PCLO: variants seen among roughly 807,000 people sequenced by gnomAD.
The protein encoded by PCLO is protein piccolo.
A neutral mutation model predicts 427.5 loss-of-function variants in PCLO; 82 were observed. The ratio of observed to expected loss-of-function variants is 0.19; its 90% CI spans 0.16 to 0.23. PCLO has a LOEUF of 0.23. Among genes scored for constraint, PCLO ranks in the 10% least tolerant of loss-of-function variants. PCLO has a pLI of 1.00. For synonymous variants in PCLO, 2,357 were observed against 2,155.4 expected (o/e 1.09, Z -2.59); for missense variants, 6,239 against 6,115.9 (o/e 1.02, Z -0.67).
chr7:83,002,021 C>G (rs1394834599), intron 3 of PCLO, among the ~76,000 whole-genome samples: 1 of 151,948 alleles, frequency 6.6e-6, no homozygotes, highest in Non-Finnish European at 1.5e-5. Context: ...TATGATGAGT[C>G]TAGCTATAGA....
At chr7:82,849,240 TA>T (rs1483411352) in intron 10 of PCLO, among the ~76,000 whole-genome samples, 1 of 152,176 alleles carries the variant, frequency 6.6e-6, no homozygotes, top group Admixed American at 6.5e-5. Flanking sequence ...CCTGTAAAAT[TA>T]AAAAAATGCT....
chr7:82,889,338 T>A (rs1161178937), intron 9 of PCLO, among the ~76,000 whole-genome samples: 2 of 152,078 alleles, frequency 1.3e-5, no homozygotes, highest in African/African-American at 4.8e-5. Context: ...ACCAGGATGC[T>A]TAGGAGACAA....
At position 82,978,320 on chromosome 7, in the gene PCLO, TA is replaced by T. The variant is rs572979240; in HGVS notation, c.3301-11834del. The stretch of plus-strand genomic sequence containing the variant: ...GCTCAATTAATATGGGGCTAATTGT[TA>T]AAAAAATATGATTATTAAATATTCA... On this transcript the variant is annotated intron_variant, in intron 3 of 24. Coordinates refer to ENST00000333891, the MANE Select transcript of PCLO (RefSeq NM_033026.6). Among the ~76,000 whole-genome samples the T allele has an allele frequency of 2.2e-3, 329 of 152,090 alleles. 1 individual carries two copies. Among genetic ancestry groups the T allele is most frequent in the African/African-American group, 7.3e-3 (301 of 41,504 alleles).
chr7:83,107,366 C>A (rs921449260), intron 3 of PCLO, among the ~76,000 whole-genome samples: 1 of 152,120 alleles, frequency 6.6e-6, no homozygotes, highest in African/African-American at 2.4e-5. Context: ...GAATTTATTT[C>A]ACTTAAGTCC....
In PCLO at chr7:82,795,163, T is replaced by C. The variant is rs1438635555; in HGVS notation, c.15007+6355A>G. Among the ~76,000 whole-genome samples, 7 of 152,282 alleles carry C rather than the reference T, an allele frequency of 4.6e-5. No homozygotes were observed. In the East Asian group the frequency reaches 1.3e-3, roughly 29 times the overall value. The stretch of plus-strand genomic sequence containing the variant: ...AATGACTAGAAGTCTAATTTTCTTT[T>C]CTTACTGAAGAAAATTATGGCAGAA... On this transcript the variant is annotated intron_variant, in intron 22 of 24. Transcript: ENST00000333891.
chr7:83,037,674 T>C lies in PCLO; in HGVS notation c.3301-71187A>G, dbSNP rs570963930. 1.8e-4 allele frequency among the ~76,000 whole-genome samples: 28 copies of C among 151,558 alleles called. No homozygotes were observed. In the South Asian group the frequency reaches 5.4e-3, roughly 29 times the overall value. The stretch of plus-strand genomic sequence containing the variant: ...TAGTAAATAAAGAAGAAGAGGCATA[T>C]CCTGGGGCTCTAGCTTCCTCTGGCT... On this transcript the variant is annotated intron_variant, in intron 3 of 24. Transcript: ENST00000333891.
chr7:82,971,426 A>G (rs1049443241), intron 3 of PCLO, among the ~76,000 whole-genome samples: 1 of 150,334 alleles, frequency 6.7e-6, no homozygotes, highest in Non-Finnish European at 1.5e-5. Context: ...GTGTATATAT[A>G]TGTGTGTGTG....
chr7:82,801,020 C>G lies in PCLO; in HGVS notation c.15007+498G>C, dbSNP rs149162089. ...ATAATTTATTATTTGTTTAATAAAA[C>G]GAAATTTGAACTTAAATTTGGTTTG... On this transcript the variant is annotated intron_variant, in intron 22 of 24. Transcript: ENST00000333891. Among the ~76,000 whole-genome samples the G allele has an allele frequency of 9.8e-3, 1,489 of 151,332 alleles. 16 individuals carry two copies. The highest frequency in any genetic ancestry group is 0.034 in the African/African-American group (1,393 of 41,362).
Position 83,162,619 on chromosome 7 carries a change from G to C in PCLO, c.-27C>G, listed in dbSNP as rs1410744524. 1.3e-5 allele frequency: 20 copies of C among 1,511,344 alleles called. No homozygotes were observed. Among genetic ancestry groups the C allele is most frequent in the Admixed American group, 2.1e-5 (1 of 47,876 alleles). The allele number at this position is 1,511,344 out of a possible 1,614,324, so 93.6% of individuals were successfully genotyped here. On this transcript the variant is annotated 5_prime_UTR_variant, in exon 1 of 25. Transcript: ENST00000333891. The stretch of plus-strand genomic sequence containing the variant: ...GCTCAGGGAGACTCGGGGCCGCCGC[G>C]CTCCCTCCTCGCGCCGCGTCCCAGT...
At chr7:83,106,378 A>G (rs1790856335) in intron 3 of PCLO, among the ~76,000 whole-genome samples, 1 of 152,278 alleles carries the variant, frequency 6.6e-6, no homozygotes, top group South Asian at 2.1e-4. Flanking sequence ...CAATACATCA[A>G]GTGTCCATCA....
chr7:82,987,790 T>C (rs560635142), intron 3 of PCLO, among the ~76,000 whole-genome samples: 1 of 152,172 alleles, frequency 6.6e-6, no homozygotes, highest in Non-Finnish European at 1.5e-5. Context: ...AAGTAGAAAA[T>C]ATTAAGTATC....
intron 3 of PCLO, among the ~76,000 whole-genome samples, chr7:83,106,821 A>G (rs1233485843): frequency 1.3e-5 from 2 of 152,170 alleles, no homozygotes; most frequent in African/African-American, 2.4e-5. Flanking sequence ...AAGTATTAAT[A>G]TAAGGTATAA....
chr7:82,952,301 A>G lies in PCLO; in HGVS notation c.8652T>C (p.Thr2884=), dbSNP rs766138657. Residue 2884 remains threonine (T), a synonymous_variant, in exon 5 of 25, where the codon ACT becomes ACC. Coordinates refer to ENST00000333891, the MANE Select transcript of PCLO (RefSeq NM_033026.6). The part of the protein sequence containing the change: ...VPPVGVTNGW[T]DSTVSQGITD... ...TGATTCCCTGGGATACGGTGCTATCAGTCCATCCATTTGTGACACCAACAG... is the reference window on the plus strand; with the variant it reads ...TGATTCCCTGGGATACGGTGCTATCGGTCCATCCATTTGTGACACCAACAG... The G allele has an allele frequency of 6.2e-7, 1 of 1,613,976 alleles. No homozygotes were observed. The highest frequency in any genetic ancestry group is 8.5e-7 in the Non-Finnish European group (1 of 1,179,846).
chr7:82,972,190 T>C (rs1795922413), intron 3 of PCLO, among the ~76,000 whole-genome samples: 1 of 151,986 alleles, frequency 6.6e-6, no homozygotes, highest in Non-Finnish European at 1.5e-5. Flanking sequence ...TAAAACACAT[T>C]TATTTTAACA....
chr7:82,900,442 C>G (rs1051144713), intron 9 of PCLO, among the ~76,000 whole-genome samples: 2 of 151,528 alleles, frequency 1.3e-5, no homozygotes, highest in Non-Finnish European at 3.0e-5. Context: ...TGCACATTGT[C>G]CATGATATTC....
intron 22 of PCLO, among the ~76,000 whole-genome samples, chr7:82,771,852 G>A (rs1292755240): frequency 6.6e-6 from 1 of 152,052 alleles, no homozygotes; most frequent in African/African-American, 2.4e-5. Context: ...GGATTTGTGA[G>A]GAGTATATTC....
intron 3 of PCLO, among the ~76,000 whole-genome samples, chr7:83,092,621 T>G (rs1184192434): frequency 6.6e-6 from 1 of 152,076 alleles, no homozygotes; most frequent in Non-Finnish European, 1.5e-5. Context: ...CCCTACCATT[T>G]GATACAATCA....
intron 4 of PCLO, among the ~76,000 whole-genome samples, chr7:82,964,150 T>C (rs1795714033): frequency 6.7e-6 from 1 of 150,082 alleles, no homozygotes; most frequent in South Asian, 2.1e-4. Flanking sequence ...CAAAAGGTCA[T>C]GAAAGCAGTA....
At chr7:83,156,856 C>T (rs1792315890) in intron 1 of PCLO, among the ~76,000 whole-genome samples, 2 of 152,040 alleles carry the variant, frequency 1.3e-5, no homozygotes, top group East Asian at 3.9e-4. Flanking sequence ...CTTCCAAATG[C>T]TAGCAGCATT....
Sources: allele counts gnomAD v4.1 joint callset (sites outside exome capture counted in the v4.1 genomes callset), GRCh38; gene constraint gnomAD v4.1.1; transcripts MANE v1.5; gene names NCBI Gene and HGNC (gene_info 2026-07-23, HGNC 2026-07-21).